The following RCOR1 variants were observed in gnomAD, a reference collection of about 807,000 sequenced individuals.
RCOR1 encodes REST corepressor.
RCOR1 carries 12 observed loss-of-function variants against 64.0 expected under a neutral mutation model. The ratio of observed to expected loss-of-function variants is 0.19; its 90% CI spans 0.12 to 0.30. RCOR1 has a LOEUF of 0.30. RCOR1 is among the 10% of genes least tolerant of loss of function. The pLI is 1.00. For missense variants in RCOR1, 502 were observed against 621.2 expected (o/e 0.81, Z 2.04); for synonymous variants, 279 against 227.2 (o/e 1.23, Z -2.05).
At chr14:102,593,492 G>A (rs995815424) in intron 2 of RCOR1, among the ~76,000 whole-genome samples, 167 bp downstream of exon 2, 5 of 152,256 alleles carry the variant, frequency 3.3e-5, no homozygotes, top group African/African-American at 1.2e-4. Flanking sequence ...ACGCACACGA[G>A]TGTTCTGCAA....
intron 3 of RCOR1, among the ~76,000 whole-genome samples, chr14:102,682,917 T>C (rs1464380475): frequency 6.6e-6 from 1 of 152,178 alleles, no homozygotes; most frequent in Non-Finnish European, 1.5e-5. Flanking sequence ...AGTAGTTCAC[T>C]CCTGGGTCAT....
intron 2 of RCOR1, among the ~76,000 whole-genome samples, chr14:102,600,976 G>A (rs1893383360): frequency 1.3e-5 from 2 of 151,088 alleles, no homozygotes; most frequent in African/African-American, 4.9e-5. Flanking sequence ...GATCACTTGA[G>A]GTCGGGAGTT....
chr14:102,625,455 G>A (rs999781569), intron 2 of RCOR1, among the ~76,000 whole-genome samples: 3 of 150,722 alleles, frequency 2.0e-5, no homozygotes, highest in Admixed American at 1.3e-4. Context: ...GGCTTGTCTC[G>A]AACTCCTGAC....
intron 2 of RCOR1, among the ~76,000 whole-genome samples, chr14:102,613,405 T>A (rs1179874777): frequency 6.6e-6 from 1 of 151,844 alleles, no homozygotes; most frequent in East Asian, 1.9e-4. Context: ...CCTGGCCTTT[T>A]TTTTTCTTTT....
chr14:102,715,218 A>C (rs970464931), intron 8 of RCOR1, among the ~76,000 whole-genome samples: 1 of 150,796 alleles, frequency 6.6e-6, no homozygotes, highest in Non-Finnish European at 1.5e-5. Context: ...ACAGGCACCC[A>C]CCACCACGCC....
At chr14:102,606,464 G>A (rs1392477009) in intron 2 of RCOR1, among the ~76,000 whole-genome samples, 2 of 152,114 alleles carry the variant, frequency 1.3e-5, no homozygotes, top group African/African-American at 2.4e-5. Context: ...CAAACTTAGC[G>A]TGGATATAGG....
chr14:102,644,769 G>T (rs1486749509), intron 2 of RCOR1, among the ~76,000 whole-genome samples: 1 of 152,168 alleles, frequency 6.6e-6, no homozygotes, highest in African/African-American at 2.4e-5. Context: ...GAAACAGGAG[G>T]CACAGTAGTT....
At chr14:102,678,082 A>G (rs1895228546) in intron 2 of RCOR1, among the ~76,000 whole-genome samples, 1 of 151,074 alleles carries the variant, frequency 6.6e-6, no homozygotes, top group African/African-American at 2.4e-5. Flanking sequence ...GCGCGCCTGC[A>G]ATCGCAGGCA....
intron 3 of RCOR1, among the ~76,000 whole-genome samples, chr14:102,698,095 A>G (rs1405571131): frequency 6.6e-6 from 1 of 152,212 alleles, no homozygotes; most frequent in Non-Finnish European, 1.5e-5. Context: ...ACAATATGGC[A>G]GATGTCCTAT....
At chr14:102,712,016 T>C (rs1287195602) in intron 7 of RCOR1, among the ~76,000 whole-genome samples, 1 of 151,812 alleles carries the variant, frequency 6.6e-6, no homozygotes, top group Non-Finnish European at 1.5e-5. Flanking sequence ...TTTTTTTTTC[T>C]CTTTTTTCTT....
chr14:102,699,041 C>A (rs990030507), intron 3 of RCOR1, among the ~76,000 whole-genome samples: 2 of 152,146 alleles, frequency 1.3e-5, no homozygotes, highest in Non-Finnish European at 2.9e-5. Flanking sequence ...CATGCGCCAC[C>A]ACGCCCAGCT....
intron 2 of RCOR1, among the ~76,000 whole-genome samples, chr14:102,636,218 G>A (rs964164423): frequency 6.6e-6 from 1 of 152,034 alleles, no homozygotes; most frequent in East Asian, 1.9e-4. Flanking sequence ...GATGATAGGC[G>A]TGAGCAACCA....
chr14:102,673,543 G>T (rs1895074375), intron 2 of RCOR1, among the ~76,000 whole-genome samples: 1 of 151,842 alleles, frequency 6.6e-6, no homozygotes, highest in Non-Finnish European at 1.5e-5. Flanking sequence ...CACTGTGTTA[G>T]CCAGGATGGT....
At chr14:102,600,850 G>A (rs549369438) in intron 2 of RCOR1, among the ~76,000 whole-genome samples, 22 of 149,410 alleles carry the variant, frequency 1.5e-4, no homozygotes, top group African/African-American at 4.9e-4. Flanking sequence ...GATTACAGGC[G>A]TGAGCCACCG....
chr14:102,617,562 G>A (rs12887440), intron 2 of RCOR1, among the ~76,000 whole-genome samples: 94,227 of 150,642 alleles, frequency 0.63, 30,575 homozygotes, highest in South Asian at 0.72. Context: ...CACTCCAGCC[G>A]GGGCAACGAA....
At chr14:102,639,702 T>A (rs1894325359) in intron 2 of RCOR1, among the ~76,000 whole-genome samples, 2 of 151,188 alleles carry the variant, frequency 1.3e-5, no homozygotes, top group African/African-American at 4.9e-5. Flanking sequence ...CCTGGCTGAT[T>A]TTTGTAGTTT....
At chr14:102,648,409 T>G (rs2139927125) in intron 2 of RCOR1, among the ~76,000 whole-genome samples, 1 of 152,300 alleles carries the variant, frequency 6.6e-6, no homozygotes, top group South Asian at 2.1e-4. Flanking sequence ...TTGTTTATGG[T>G]ATCTTAGAAT....
intron 2 of RCOR1, among the ~76,000 whole-genome samples, chr14:102,632,398 T>C (rs1325346710): frequency 6.6e-6 from 1 of 151,042 alleles, no homozygotes; most frequent in Non-Finnish European, 1.5e-5. Flanking sequence ...TTTGTATTTT[T>C]AGTAGAGACG....
intron 6 of RCOR1, 88 bp from the exon 7 acceptor site, chr14:102,710,847 T>C: frequency 1.2e-6 from 1 of 862,128 alleles, no homozygotes. Flanking sequence ...GTAAAATTAG[T>C]ACAAAATTTT....
Sources: gnomAD v4.1 joint callset for allele counts (sites outside exome capture counted in the v4.1 genomes callset) on GRCh38, gnomAD v4.1.1 for gene constraint, MANE v1.5 for transcripts, NCBI Gene and HGNC (gene_info 2026-07-23, HGNC 2026-07-21) for gene names.